Variants in BBS9 observed in about 807,000 individuals in gnomAD.
The protein encoded by BBS9 is protein PTHB1.
Under a neutral mutation model 117.7 loss-of-function variants are expected in BBS9, and 89 were observed. The ratio of observed to expected loss-of-function variants is 0.76; its 90% CI spans 0.64 to 0.90. The LOEUF is 0.90. Ranked by LOEUF, BBS9 falls within the 40% of genes least tolerant of loss-of-function variation. The pLI is 0.00. For synonymous variants in BBS9, 379 were observed against 370.9 expected (o/e 1.02, Z -0.25); for missense variants, 982 against 1,042.2 (o/e 0.94, Z 0.80).
intron 16 of BBS9, 69 bp downstream of exon 16, chr7:33,358,064 A>G (rs1819965088): frequency 1.9e-6 from 3 of 1,540,974 alleles, no homozygotes; most frequent in Non-Finnish European, 2.7e-6. Context: ...ATCCTTCATC[A>G]GCAGATAATG....
At chr7:33,492,632 G>T (rs567452786) in intron 19 of BBS9, among the ~76,000 whole-genome samples, 54 of 152,224 alleles carry the variant, frequency 3.5e-4, no homozygotes, top group African/African-American at 1.3e-3. Flanking sequence ...ATGTTGTTCT[G>T]AACCAAAGGC....
intron 19 of BBS9, among the ~76,000 whole-genome samples, chr7:33,406,308 T>A (rs1829977171): frequency 6.6e-6 from 1 of 152,122 alleles, no homozygotes; most frequent in Admixed American, 6.5e-5. Flanking sequence ...CTGAAGAAAA[T>A]ATATATTCTG....
At chr7:33,141,908 C>G (rs1791525258) in intron 1 of BBS9, among the ~76,000 whole-genome samples, 2 of 151,606 alleles carry the variant, frequency 1.3e-5, no homozygotes, top group South Asian at 4.2e-4. Context: ...GCAGTCTATC[C>G]AAGTTGCAAG....
chr7:33,238,208 A>G (rs1793854437), intron 5 of BBS9, among the ~76,000 whole-genome samples: 1 of 152,216 alleles, frequency 6.6e-6, no homozygotes, highest in African/African-American at 2.4e-5. Flanking sequence ...ATGTGTGCCC[A>G]AACTTTGATC....
intron 9 of BBS9, among the ~76,000 whole-genome samples, chr7:33,313,020 A>G (rs190604495): frequency 3.4e-4 from 51 of 148,956 alleles, no homozygotes; most frequent in African/African-American, 1.3e-3. Context: ...TTTTCTATAA[A>G]TGTGCTGTAC....
In BBS9 at chr7:33,359,462, T is replaced by G. The variant is rs10257379; in HGVS notation, c.1693+1467T>G. On this transcript the variant is annotated intron_variant, in intron 16 of 22. Transcript: ENST00000242067. ...GATTTTGGGCTCAATTGTTTTGATGTCATTATGCTCATCAGCATATATTTG... is the reference window on the plus strand; with the variant it reads ...GATTTTGGGCTCAATTGTTTTGATGGCATTATGCTCATCAGCATATATTTG... Among the ~76,000 whole-genome samples, 633 of 152,168 alleles carry G rather than the reference T, an allele frequency of 4.2e-3. 5 individuals carry two copies. The highest frequency in any genetic ancestry group is 0.015 in the African/African-American group (608 of 41,558).
intron 21 of BBS9, among the ~76,000 whole-genome samples, chr7:33,556,421 C>A (rs1034056768): frequency 6.6e-6 from 1 of 152,186 alleles, no homozygotes; most frequent in African/African-American, 2.4e-5. Context: ...TACAAAACAT[C>A]ATCTAAATTT....
intron 17 of BBS9, among the ~76,000 whole-genome samples, chr7:33,370,161 A>G (rs1822581057): frequency 6.7e-6 from 1 of 148,998 alleles, no homozygotes; most frequent in Non-Finnish European, 1.5e-5. Context: ...TTATATTTTT[A>G]GAAAGCAGAA....
chr7:33,195,267 G>T (rs1466463572), intron 5 of BBS9, among the ~76,000 whole-genome samples: 3 of 152,122 alleles, frequency 2.0e-5, no homozygotes, highest in African/African-American at 7.2e-5. Context: ...ACATTTGATT[G>T]GGCAGGGCTG....
intron 21 of BBS9, among the ~76,000 whole-genome samples, chr7:33,600,923 C>G (rs773223115): frequency 1.3e-5 from 2 of 152,290 alleles, no homozygotes; most frequent in Admixed American, 1.3e-4. Context: ...TATGGAAAAC[C>G]AAAGCTGGAA....
chr7:33,345,915 C>A (rs1034174866), intron 12 of BBS9, among the ~76,000 whole-genome samples: 4 of 152,162 alleles, frequency 2.6e-5, no homozygotes, highest in Non-Finnish European at 5.9e-5. Context: ...GGAATTAGCA[C>A]CGTAAGTAAA....
At chr7:33,280,719 CA>C (rs1314221862) in intron 9 of BBS9, among the ~76,000 whole-genome samples, 3 of 152,010 alleles carry the variant, frequency 2.0e-5, no homozygotes, top group African/African-American at 4.8e-5. Context: ...TTTTATGTGT[CA>C]GGGGAAGAGC....
chr7:33,533,077 G>A (rs1382878293), intron 20 of BBS9, among the ~76,000 whole-genome samples: 1 of 152,056 alleles, frequency 6.6e-6, no homozygotes, highest in East Asian at 1.9e-4. Flanking sequence ...GGAGCCTCTG[G>A]GGATGCCTAA....
chr7:33,159,884 A>G (rs374513005), intron 4 of BBS9, among the ~76,000 whole-genome samples: 6 of 152,334 alleles, frequency 3.9e-5, no homozygotes, highest in African/African-American at 7.2e-5. Context: ...CTTCTTAGCC[A>G]GGGTCCCCAT....
chr7:33,341,366 G>A (rs903258576), intron 11 of BBS9, among the ~76,000 whole-genome samples: 2 of 152,112 alleles, frequency 1.3e-5, no homozygotes, highest in African/African-American at 4.8e-5. Context: ...AGGTTTGTGA[G>A]TGGCCTAGCT....
chr7:33,255,301 T>G (rs1796847501), intron 5 of BBS9, among the ~76,000 whole-genome samples: 1 of 151,714 alleles, frequency 6.6e-6, no homozygotes, highest in Non-Finnish European at 1.5e-5. Flanking sequence ...TTTAAATCTT[T>G]AATCTACTTT....
At chr7:33,333,926 CA>C (rs983865059) in intron 9 of BBS9, among the ~76,000 whole-genome samples, 3 of 148,286 alleles carry the variant, frequency 2.0e-5, no homozygotes, top group African/African-American at 7.3e-5. Flanking sequence ...ATGTCTTTTG[CA>C]ATTGATTTTT....
At chr7:33,579,987 A>T (rs980700688) in intron 21 of BBS9, among the ~76,000 whole-genome samples, 3 of 152,192 alleles carry the variant, frequency 2.0e-5, no homozygotes, top group Non-Finnish European at 4.4e-5. Context: ...TTTAATTATT[A>T]GCTGTTTTAA....
At chr7:33,548,340 T>G (rs962407051) in intron 21 of BBS9, among the ~76,000 whole-genome samples, 8 of 152,228 alleles carry the variant, frequency 5.3e-5, no homozygotes, top group Admixed American at 5.2e-4. Context: ...CATCTATAAA[T>G]GTGAACTGCC....
Sources: allele counts gnomAD v4.1 joint callset (sites outside exome capture counted in the v4.1 genomes callset), GRCh38; gene constraint gnomAD v4.1.1; transcripts MANE v1.5; gene names NCBI Gene and HGNC (gene_info 2026-07-23, HGNC 2026-07-21).